Variants in MVB12B observed in about 807,000 individuals in gnomAD.
MVB12B encodes the protein multivesicular body subunit 12B, also known as ESCRT-I complex subunit MVB12B.
A neutral mutation model predicts 41.6 loss-of-function variants in MVB12B; 16 were observed. The observed-to-expected ratio is 0.38, with a 90% CI of 0.26 to 0.58. MVB12B has a LOEUF of 0.58. Ranked by LOEUF, MVB12B falls within the 20% of genes least tolerant of loss-of-function variation. The pLI is 0.62. For missense variants in MVB12B, 274 were observed against 380.2 expected (o/e 0.72, Z 2.32); for synonymous variants, 133 against 139.7 (o/e 0.95, Z 0.34).
intron 9 of MVB12B, among the ~76,000 whole-genome samples, chr9:126,493,896 G>A (rs2119226636): frequency 6.6e-6 from 1 of 152,270 alleles, no homozygotes; most frequent in South Asian, 2.1e-4. Context: ...GGTTCCCCAG[G>A]CAGGCAGTTA....
chr9:126,340,782 G>A lies in MVB12B; in HGVS notation c.204+152G>A, dbSNP rs1264415147. The A allele has an allele frequency of 2.2e-6, 2 of 907,280 alleles. No individual in the cohort carries two copies. The highest frequency in any genetic ancestry group is 3.2e-6 in the Non-Finnish European group (2 of 615,384). The allele number at this position is 907,280 out of a possible 1,614,324, so 56.2% of individuals were successfully genotyped here. ...GGGCGTGGAGAGCATCCTGGTTTGG[G>A]AGTCAGAAGACCTGAGCCCATCTGG... is the stretch of plus-strand genomic sequence containing the variant. On this transcript the variant is annotated intron_variant, in intron 2 of 9. Transcript: ENST00000361171. This position sits in a 1 kb window ranked among gnomAD's most constrained non-coding sequence, Gnocchi z 4.0.
At chr9:126,415,837 G>C (rs1022239507) in intron 6 of MVB12B, among the ~76,000 whole-genome samples, 2 of 152,180 alleles carry the variant, frequency 1.3e-5, no homozygotes, top group Non-Finnish European at 2.9e-5. Flanking sequence ...AGTGGGAAGG[G>C]CGCCACAGGG....
chr9:126,383,106 C>T (rs78666834), intron 3 of MVB12B, among the ~76,000 whole-genome samples: 6,751 of 152,134 alleles, frequency 0.044, 178 homozygotes, highest in Middle Eastern at 0.075. Context: ...GGCCCACTTG[C>T]CAGCCCAGGA....
intron 9 of MVB12B, among the ~76,000 whole-genome samples, chr9:126,492,319 G>A (rs1367063585): frequency 6.6e-6 from 1 of 151,334 alleles, no homozygotes; most frequent in Non-Finnish European, 1.5e-5. Flanking sequence ...GACTTTTGAG[G>A]TGCTTCCAAT....
rs1829172040 is a variant in MVB12B at position 126,333,075 on chromosome 9, T to G, written c.81+6065T>G. Among the ~76,000 whole-genome samples the G allele has an allele frequency of 6.6e-6, 1 of 152,164 alleles. No individual in the cohort carries two copies. The highest frequency in any genetic ancestry group is 1.5e-5 in the Non-Finnish European group (1 of 68,030). ...GAAAGTTTGAGGGGAATGGAAGATGTGACCCTGGTGTTTTGTTTTGTTTTT... is the reference window on the plus strand; with the variant it reads ...GAAAGTTTGAGGGGAATGGAAGATGGGACCCTGGTGTTTTGTTTTGTTTTT... On this transcript the variant is annotated intron_variant, in intron 1 of 9. Transcript: ENST00000361171. This position sits in a 1 kb window ranked among gnomAD's most constrained non-coding sequence, Gnocchi z 4.7.
intron 7 of MVB12B, among the ~76,000 whole-genome samples, chr9:126,453,726 C>T (rs1291091462): frequency 2.6e-5 from 4 of 152,250 alleles, no homozygotes; most frequent in African/African-American, 9.6e-5. Flanking sequence ...CACACTCTCA[C>T]GTGTACATAC....
intron 6 of MVB12B, among the ~76,000 whole-genome samples, chr9:126,398,032 G>A (rs1831165665): frequency 6.6e-6 from 1 of 152,058 alleles, no homozygotes; most frequent in Admixed American, 6.5e-5. Flanking sequence ...CCCAGCCAGA[G>A]CCCCAGACAT....
rs1346821532 is a variant in MVB12B, at chr9:126,391,335, A to G, written c.410-731A>G. On this transcript the variant is annotated intron_variant, in intron 4 of 9. Transcript: ENST00000361171. The surrounding 1 kb of genome is among the most constrained non-coding windows in gnomAD (Gnocchi z 4.4). ...GAACAGGAGTGGTTGTTCCAGAGTC[A>G]AATGATCTGGGAGGCCTGACACCCA... Among the ~76,000 whole-genome samples, 1 of 152,224 alleles carries G rather than the reference A, an allele frequency of 6.6e-6. No homozygotes were observed. Among genetic ancestry groups the G allele is most frequent in the Non-Finnish European group, 1.5e-5 (1 of 68,040 alleles).
At chr9:126,424,752 C>T (rs1212070951) in intron 7 of MVB12B, among the ~76,000 whole-genome samples, 1 of 152,270 alleles carries the variant, frequency 6.6e-6, no homozygotes, top group African/African-American at 2.4e-5. Context: ...CCTGAGATGC[C>T]TGTGGCCTGC....
In MVB12B at chr9:126,376,470, G is replaced by A; in HGVS notation, c.205-4594G>A. ...GATGGAGGCACCAGCTCATGGGCTG[G>A]AGCCCTGTGGGTGGGGGGCCTGCTG... is the stretch of plus-strand genomic sequence containing the variant. On this transcript the variant is annotated intron_variant, in intron 2 of 9. Coordinates refer to ENST00000361171, the MANE Select transcript of MVB12B (RefSeq NM_033446.3). The surrounding 1 kb of genome is among the most constrained non-coding windows in gnomAD (Gnocchi z 4.1). 1 of 1,277,364 alleles carries A rather than the reference G, an allele frequency of 7.8e-7. No individual in the cohort carries two copies. Among genetic ancestry groups the A allele is most frequent in the Non-Finnish European group, 1.0e-6 (1 of 978,550 alleles). The allele number at this position is 1,277,364 out of a possible 1,614,324, so 79.1% of individuals were successfully genotyped here.
intron 3 of MVB12B, among the ~76,000 whole-genome samples, chr9:126,385,424 G>A (rs536368170): frequency 3.9e-5 from 6 of 152,302 alleles, no homozygotes; most frequent in African/African-American, 7.2e-5. Context: ...TTTCAGAGAC[G>A]TGACACAGTG....
chr9:126,327,227 C>T (rs1829006986), intron 1 of MVB12B: 2 of 984,238 alleles, frequency 2.0e-6, no homozygotes, highest in African/African-American at 3.5e-5. Flanking sequence ...TGCCCGGGCT[C>T]GGCCTGGCGG....
At chr9:126,435,857 A>T (rs1170770695) in intron 7 of MVB12B, among the ~76,000 whole-genome samples, 1 of 152,242 alleles carries the variant, frequency 6.6e-6, no homozygotes, top group Admixed American at 6.5e-5. Context: ...GTCCCGTCTC[A>T]TGGCAGGTCA....
chr9:126,421,789 A>T lies in MVB12B; in HGVS notation c.663-65A>T, dbSNP rs1832026957. 3 of 1,240,736 alleles carry T rather than the reference A, an allele frequency of 2.4e-6. No homozygotes were observed. In the Admixed American group the frequency reaches 5.1e-5, roughly 21 times the overall value. 76.9% of individuals were successfully genotyped at this position (1,240,736 alleles called of 1,614,324 possible). ...CTGCATTTCAGCTGTTGATGGCGTC[A>T]GTGCTTCCTGAGTCTTGGGGAATGC... is the stretch of plus-strand genomic sequence containing the variant. On this transcript the variant is annotated intron_variant, in intron 6 of 9. Coordinates refer to ENST00000361171, the MANE Select transcript of MVB12B (RefSeq NM_033446.3).
chr9:126,374,077 CTGT>C (rs1331306733), intron 2 of MVB12B, among the ~76,000 whole-genome samples: 1 of 152,200 alleles, frequency 6.6e-6, no homozygotes, highest in Non-Finnish European at 1.5e-5. Flanking sequence ...TTTCAAATGG[CTGT>C]TGAGTCTTCT....
chr9:126,394,467 T>C (rs1172184335), intron 5 of MVB12B, among the ~76,000 whole-genome samples: 1 of 152,250 alleles, frequency 6.6e-6, no homozygotes. Flanking sequence ...CAACAGTTCT[T>C]TTCCAGAGGA....
At chr9:126,433,448 G>C (rs542822792) in intron 7 of MVB12B, among the ~76,000 whole-genome samples, 44 of 150,578 alleles carry the variant, frequency 2.9e-4, no homozygotes, top group African/African-American at 1.1e-3. Flanking sequence ...TCTCTTCGTG[G>C]TGGCCTTCTC....
At chr9:126,343,043 A>C (rs549462075) in intron 2 of MVB12B, among the ~76,000 whole-genome samples, 15 of 152,330 alleles carry the variant, frequency 9.8e-5, no homozygotes, top group Admixed American at 8.5e-4. Flanking sequence ...TGAGTAGCAC[A>C]ACTGCTTTAA....
At chr9:126,452,506 G>A (rs1832904946) in intron 7 of MVB12B, among the ~76,000 whole-genome samples, 1 of 152,212 alleles carries the variant, frequency 6.6e-6, no homozygotes, top group African/African-American at 2.4e-5. Context: ...GGCAGCCGGT[G>A]CAACACATTC....
Sources: gnomAD v4.1 joint callset for allele counts (sites outside exome capture counted in the v4.1 genomes callset) on GRCh38, gnomAD v4.1.1 for gene constraint, Gnocchi (gnomAD v3.1) non-coding constraint, MANE v1.5 for transcripts, NCBI Gene and HGNC (gene_info 2026-07-23, HGNC 2026-07-21) for gene names.